The following TBL1X variants were observed in gnomAD, a reference collection of about 807,000 sequenced individuals.
TBL1X encodes the protein F-box-like/WD repeat-containing protein TBL1X.
A neutral mutation model predicts 50.7 loss-of-function variants in TBL1X; 10 were observed. The ratio of observed to expected loss-of-function variants is 0.20; its 90% CI spans 0.12 to 0.33. The LOEUF (loss-of-function observed/expected upper bound fraction) is 0.33. Ranked by LOEUF, TBL1X falls within the 10% of genes least tolerant of loss-of-function variation. The probability of loss-of-function intolerance (pLI) is 1.00; values close to 1 mark genes in which losing one functional copy is unlikely to be tolerated. For synonymous variants in TBL1X, 190 were observed against 214.7 expected, an observed-to-expected ratio of 0.88 and a Z score of 1.01; for missense variants, 340 against 504.4, an observed-to-expected ratio of 0.67 and a Z score of 3.12.
chrX:9,654,408 T>G, intron 5 of TBL1X, 86 bp downstream of exon 5: 1 of 784,388 alleles, frequency 1.3e-6, no homozygotes, highest in Non-Finnish European at 1.8e-6. Flanking sequence ...AAAACCAGGC[T>G]GTAGAAGAAG....
At chrX:9,697,682 G>T (rs1050701037) in intron 12 of TBL1X, among the ~76,000 whole-genome samples, 1 of 111,800 alleles carries the variant, frequency 8.9e-6, no homozygotes, top group Non-Finnish European at 1.9e-5. Flanking sequence ...GAGGTAGGAG[G>T]ATGGCTTGAG....
chrX:9,554,105 T>G (rs2082283656), intron 2 of TBL1X, among the ~76,000 whole-genome samples: 1 of 112,418 alleles, frequency 8.9e-6, no homozygotes, highest in Non-Finnish European at 1.9e-5. Flanking sequence ...GGTCTTAAAT[T>G]CCTGGGTTCA....
In TBL1X at chrX:9,709,239, CTCTT is replaced by C. The variant is rs1335535806; in HGVS notation, c.1237-6_1237-3del. On this transcript the variant is annotated splice_polypyrimidine_tract_variant and splice_region_variant and intron_variant, in intron 13 of 17. Coordinates refer to ENST00000645353, the MANE Select transcript of TBL1X (RefSeq NM_005647.4). ...GATGTCTTTTTCACACTCTTCTGCT[CTCTT>C]TCAGAACGAGGTCAACGCCATCAAA... The C allele has an allele frequency of 4.6e-5, 56 of 1,208,394 alleles. 1 individual carries two copies. In the Admixed American group the frequency reaches 1.2e-3, roughly 26 times the overall value.
chrX:9,482,698 G>T (rs2081889824), intron 1 of TBL1X, among the ~76,000 whole-genome samples: 2 of 110,655 alleles, frequency 1.8e-5, no homozygotes, highest in Non-Finnish European at 3.8e-5. Context: ...CAGAGTGATG[G>T]TCACCCTTTT....
rs140764946 is a variant in TBL1X, at chrX:9,621,894, C to T, written c.-130-18379C>T. 1.4e-4 allele frequency among the ~76,000 whole-genome samples: 16 copies of T among 111,709 alleles called. No individual in the cohort carries two copies. The East Asian group carries it at 3.9e-3, about 27-fold the overall frequency. ...TCCAGAAACTATCAAGATTCTGAGA[C>T]TGTTTCTAGGAAAGGCCACAACTCT... On this transcript the variant is annotated intron_variant, in intron 2 of 17. Transcript: ENST00000645353.
chrX:9,672,361 T>G (rs986640055), intron 5 of TBL1X, among the ~76,000 whole-genome samples: 2 of 111,912 alleles, frequency 1.8e-5, no homozygotes, highest in African/African-American at 6.5e-5. Flanking sequence ...TGCCCAGCAT[T>G]GATATGTTTT....
At chrX:9,683,644 T>G (rs1243257797) in intron 5 of TBL1X, among the ~76,000 whole-genome samples, 1 of 111,547 alleles carries the variant, frequency 9.0e-6, no homozygotes. Context: ...CAGAGAGGCT[T>G]CAGCATGAGC....
At chrX:9,506,107 G>T (rs1173124289) in intron 2 of TBL1X, among the ~76,000 whole-genome samples, 2 of 112,406 alleles carry the variant, frequency 1.8e-5, no homozygotes, top group African/African-American at 6.5e-5. Flanking sequence ...CAGTCTCTCA[G>T]ACCACAGTGC....
At chrX:9,506,523 G>GA (rs1325240546) in intron 2 of TBL1X, among the ~76,000 whole-genome samples, 3 of 111,209 alleles carry the variant, frequency 2.7e-5, no homozygotes, top group Non-Finnish European at 5.7e-5. Context: ...CTGGTTTTTT[G>GA]AAAAAATTAA....
intron 1 of TBL1X, among the ~76,000 whole-genome samples, chrX:9,473,573 G>A (rs1022173827): frequency 7.1e-5 from 8 of 111,952 alleles, no homozygotes; most frequent in Non-Finnish European, 1.5e-4. Context: ...AGAAATGAAG[G>A]TAGAAAAGAT....
At chrX:9,616,391 C>A (rs1467650713) in intron 2 of TBL1X, among the ~76,000 whole-genome samples, 1 of 111,571 alleles carries the variant, frequency 9.0e-6, no homozygotes, top group African/African-American at 3.3e-5. Context: ...GTTGAAAAAA[C>A]AATTTTTTTC....
chrX:9,577,652 C>T (rs1427536006), intron 2 of TBL1X, among the ~76,000 whole-genome samples: 1 of 111,930 alleles, frequency 8.9e-6, no homozygotes, highest in Admixed American at 9.4e-5. Flanking sequence ...CATCTAGCCC[C>T]ATATGCGCCA....
rs763237573 is a variant in TBL1X at position 9,552,763 on chromosome X, G to T, written c.-131+50914G>T. 5.4e-5 allele frequency among the ~76,000 whole-genome samples: 6 copies of T among 111,867 alleles called. No homozygotes were observed. The South Asian group carries it at 2.3e-3, about 42-fold the overall frequency. On this transcript the variant is annotated intron_variant, in intron 2 of 17. Transcript: ENST00000645353. ...TGGTAGCTGTGGTAGATGGAATAAT[G>T]GCCCTCAAGGTGTATCTCCATCCTA...
intron 5 of TBL1X, among the ~76,000 whole-genome samples, chrX:9,661,712 C>G (rs192967140): frequency 1.8e-5 from 2 of 111,185 alleles, no homozygotes; most frequent in South Asian, 4.0e-4. Flanking sequence ...CCCACCAACA[C>G]GCAGCGAGGT....
chrX:9,477,450 A>G (rs1412439123), intron 1 of TBL1X, among the ~76,000 whole-genome samples: 1 of 112,086 alleles, frequency 8.9e-6, no homozygotes, highest in East Asian at 2.8e-4. Context: ...TTGGGCAGTT[A>G]CTGGTGTTTG....
At chrX:9,692,494 G>C (rs1302454139) in intron 9 of TBL1X, among the ~76,000 whole-genome samples, 1 of 112,170 alleles carries the variant, frequency 8.9e-6, no homozygotes, top group Non-Finnish European at 1.9e-5. Flanking sequence ...TGCAACTTCT[G>C]CCTCCTGGGT....
intron 2 of TBL1X, among the ~76,000 whole-genome samples, chrX:9,589,242 A>G (rs748184467): frequency 6.7e-4 from 74 of 111,255 alleles, no homozygotes; most frequent in African/African-American, 2.2e-3. Context: ...CACAAACTGA[A>G]TGGCTTGGCT....
At chrX:9,677,033 G>T (rs775154399) in intron 5 of TBL1X, among the ~76,000 whole-genome samples, 1 of 111,381 alleles carries the variant, frequency 9.0e-6, no homozygotes, top group East Asian at 2.8e-4. Context: ...TCCTAACTCC[G>T]TGAGAGTGTG....
At chrX:9,574,850 G>A (rs1361692388) in intron 2 of TBL1X, among the ~76,000 whole-genome samples, 1 of 111,831 alleles carries the variant, frequency 8.9e-6, no homozygotes, top group Non-Finnish European at 1.9e-5. Flanking sequence ...AGCCAAAGCA[G>A]TTTTTCAGCT....
Sources: allele counts gnomAD v4.1 joint callset (sites outside exome capture counted in the v4.1 genomes callset), GRCh38; gene constraint gnomAD v4.1.1; transcripts MANE v1.5; gene names NCBI Gene and HGNC (gene_info 2026-07-23, HGNC 2026-07-21).